CARMIL1: variants seen among roughly 807,000 people sequenced by gnomAD.
The protein encoded by CARMIL1 is capping protein regulator and myosin 1 linker 1.
A neutral mutation model predicts 177.1 loss-of-function variants in CARMIL1; 90 were observed. That is an observed-to-expected ratio of 0.51 (90% CI 0.43 to 0.61). The LOEUF is 0.61. Among genes scored for constraint, CARMIL1 ranks in the 20% least tolerant of loss-of-function variants. The probability of loss-of-function intolerance (pLI) is 0.00; values close to 1 mark genes in which losing one functional copy is unlikely to be tolerated. For missense variants in CARMIL1, 1,380 were observed against 1,667.0 expected, an observed-to-expected ratio of 0.83 and a Z score of 3.00; for synonymous variants, 577 against 606.2, an observed-to-expected ratio of 0.95 and a Z score of 0.71.
At chr6:25,450,446 A>G (rs1410205757) in intron 7 of CARMIL1, 37 bp downstream of exon 7, 3 of 1,495,990 alleles carry the variant, frequency 2.0e-6, no homozygotes, top group Non-Finnish European at 2.8e-6. Context: ...GAGCACACAC[A>G]CTCCTGGAGA....
At chr6:25,460,950 T>C (rs538954468) in intron 8 of CARMIL1, among the ~76,000 whole-genome samples, 55 of 152,328 alleles carry the variant, frequency 3.6e-4, no homozygotes, top group African/African-American at 1.3e-3. Flanking sequence ...CATGTATCAA[T>C]TTTCAATCAC....
At chr6:25,575,481 C>T (rs776570173) in intron 29 of CARMIL1, among the ~76,000 whole-genome samples, 1 of 152,126 alleles carries the variant, frequency 6.6e-6, no homozygotes, top group Non-Finnish European at 1.5e-5. Context: ...AGTAAAAACT[C>T]ATCTATGGGA....
chr6:25,347,485 A>C (rs1183981670), intron 2 of CARMIL1, among the ~76,000 whole-genome samples: 97 of 152,364 alleles, frequency 6.4e-4, no homozygotes, highest in Non-Finnish European at 2.9e-5. Flanking sequence ...CAGAGTGAAG[A>C]AGATTCAGAG....
chr6:25,574,947 A>G (rs1298476669), intron 29 of CARMIL1, among the ~76,000 whole-genome samples: 1 of 152,180 alleles, frequency 6.6e-6, no homozygotes, highest in Non-Finnish European at 1.5e-5. Flanking sequence ...TAACCTCATA[A>G]TCACAGCCAA....
intron 15 of CARMIL1, among the ~76,000 whole-genome samples, chr6:25,493,063 G>A (rs578026825): frequency 1.3e-5 from 2 of 152,344 alleles, no homozygotes; most frequent in South Asian, 4.1e-4. Context: ...TTTGAAGCCA[G>A]CTTATAAAGC....
intron 5 of CARMIL1, among the ~76,000 whole-genome samples, chr6:25,437,478 T>A (rs9467516): frequency 0.24 from 36,671 of 152,152 alleles, 5,122 homozygotes; most frequent in African/African-American, 0.39. Context: ...CTTCGGGCAA[T>A]TATTAAACCA....
intron 12 of CARMIL1, among the ~76,000 whole-genome samples, chr6:25,484,262 C>T (rs1012286787): frequency 1.3e-5 from 2 of 152,206 alleles, no homozygotes; most frequent in African/African-American, 4.8e-5. Flanking sequence ...TGTCCTGGCA[C>T]TTCTCAGTCT....
intron 2 of CARMIL1, among the ~76,000 whole-genome samples, chr6:25,314,206 C>G (rs1409183502): frequency 7.9e-6 from 1 of 126,378 alleles, no homozygotes; most frequent in Admixed American, 7.4e-5. Flanking sequence ...ATCCACCCAC[C>G]CGCCTCGGCC....
Position 25,550,113 on chromosome 6 carries a change from C to T in CARMIL1, c.2329-797C>T, listed in dbSNP as rs79728630. On this transcript the variant is annotated intron_variant, in intron 26 of 36. Transcript: ENST00000329474. The stretch of plus-strand genomic sequence containing the variant: ...CTTTCCACACTTTCCAACCGTATCA[C>T]CCATCTCAGACAAATCATTTAACTT... Among the ~76,000 whole-genome samples, 700 of 152,304 alleles carry T rather than the reference C, an allele frequency of 4.6e-3. 4 individuals carry two copies. Among genetic ancestry groups the T allele is most frequent in the Middle Eastern group, 6.8e-3 (2 of 294 alleles).
At chr6:25,519,962 G>T (rs1196676822) in intron 22 of CARMIL1, among the ~76,000 whole-genome samples, 1 of 152,078 alleles carries the variant, frequency 6.6e-6, no homozygotes, top group African/African-American at 2.4e-5. Flanking sequence ...TGAAAATTCT[G>T]TCCTTGATGG....
At chr6:25,392,054 ATGTGTGTGTG>A (rs36076582) in intron 2 of CARMIL1, among the ~76,000 whole-genome samples, 9,410 of 139,248 alleles carry the variant, frequency 0.068, 858 homozygotes, top group African/African-American at 0.21. Context: ...GTGTATATGC[ATGTGTGTGTG>A]TGTGTGTGTG....
At chr6:25,357,836 A>G (rs1470347347) in intron 2 of CARMIL1, among the ~76,000 whole-genome samples, 1 of 152,226 alleles carries the variant, frequency 6.6e-6, no homozygotes, top group African/African-American at 2.4e-5. Flanking sequence ...ACTTTAATCA[A>G]TAAGGTGGAA....
rs141344462 is a variant in CARMIL1 at position 25,437,827 on chromosome 6, C to T, written c.371+2223C>T. On this transcript the variant is annotated intron_variant, in intron 5 of 36. Transcript: ENST00000329474. ...TTTTAAAAATATTATCTTAATATCT[C>T]GTGGTCTGGTTCTTTCTCCTTGTTT... is the stretch of plus-strand genomic sequence containing the variant. 2.5e-4 allele frequency among the ~76,000 whole-genome samples: 38 copies of T among 152,300 alleles called. No individual in the cohort carries two copies. In the East Asian group the frequency reaches 6.4e-3, roughly 25 times the overall value.
At chr6:25,285,513 T>G (rs541377001) in intron 2 of CARMIL1, among the ~76,000 whole-genome samples, 3 of 152,162 alleles carry the variant, frequency 2.0e-5, no homozygotes, top group Non-Finnish European at 4.4e-5. Context: ...AGAAAACTTC[T>G]TAGAGAGGTG....
At chr6:25,449,246 A>G (rs1798548453) in intron 5 of CARMIL1, among the ~76,000 whole-genome samples, 1 of 152,204 alleles carries the variant, frequency 6.6e-6, no homozygotes, top group Admixed American at 6.5e-5. Flanking sequence ...CTATGGGATA[A>G]CATCTCAGAA....
chr6:25,402,572 T>G (rs1485628380), intron 2 of CARMIL1, among the ~76,000 whole-genome samples: 1 of 152,216 alleles, frequency 6.6e-6, no homozygotes, highest in Non-Finnish European at 1.5e-5. Flanking sequence ...AATGTCTGAT[T>G]CATGAATGTT....
chr6:25,423,576 C>T lies in CARMIL1; in HGVS notation c.190-2925C>T, dbSNP rs75481813. 8.3e-3 allele frequency among the ~76,000 whole-genome samples: 1,268 copies of T among 152,260 alleles called. 11 individuals carry two copies. Among genetic ancestry groups the T allele is most frequent in the Middle Eastern group, 0.024 (7 of 294 alleles). On this transcript the variant is annotated intron_variant, in intron 3 of 36. Coordinates refer to ENST00000329474, the MANE Select transcript of CARMIL1 (RefSeq NM_017640.6). ...GTGGGAGGGAAACAGCTCAGAAAGA[C>T]GGACAGGGCCAAGGCCTGGCTGAGG...
At chr6:25,552,167 T>C (rs1810168280) in intron 27 of CARMIL1, among the ~76,000 whole-genome samples, 1 of 152,170 alleles carries the variant, frequency 6.6e-6, no homozygotes, top group South Asian at 2.1e-4. Context: ...TAGGACCCCA[T>C]AGATTAGTGA....
chr6:25,438,464 A>G (rs945894124), intron 5 of CARMIL1, among the ~76,000 whole-genome samples: 7 of 152,224 alleles, frequency 4.6e-5, no homozygotes, highest in Non-Finnish European at 8.8e-5. Context: ...TGGGACTCGT[A>G]TAAAGAATAA....
Sources: gnomAD v4.1 joint callset for allele counts (sites outside exome capture counted in the v4.1 genomes callset) on GRCh38, gnomAD v4.1.1 for gene constraint, MANE v1.5 for transcripts, NCBI Gene and HGNC (gene_info 2026-07-23, HGNC 2026-07-21) for gene names.